The following TBC1D8 variants were observed in gnomAD, a reference collection of about 807,000 sequenced individuals.
TBC1D8 encodes the protein BUB2-like protein 1.
TBC1D8 carries 65 observed loss-of-function variants against 118.8 expected under a neutral mutation model. That is an observed-to-expected ratio of 0.55 (90% CI 0.45 to 0.67). The LOEUF (loss-of-function observed/expected upper bound fraction) is 0.67. TBC1D8 is among the 30% of genes least tolerant of loss of function. The pLI is 0.00. For missense variants in TBC1D8, 1,376 were observed against 1,471.2 expected (o/e 0.94, Z 1.06); for synonymous variants, 566 against 595.8 (o/e 0.95, Z 0.73).
Position 101,134,193 on chromosome 2 carries a change from TCTCTCA to T in TBC1D8, c.127+16928_127+16933del, listed in dbSNP as rs1214157649. On this transcript the variant is annotated intron_variant, in intron 1 of 19. Transcript: ENST00000409318. ...CTTTCTCTCTCTCTCTCTCTCTCTC[TCTCTCA>T]CACACACACACACACACACACACAC... Among the ~76,000 whole-genome samples the T allele has an allele frequency of 2.4e-3, 299 of 122,344 alleles. 2 individuals carry two copies. Among genetic ancestry groups the T allele is most frequent in the East Asian group, 0.014 (60 of 4,424 alleles). The allele number at this position is 122,344 out of a possible 152,430, so 80.3% of individuals were successfully genotyped here.
chr2:101,137,783 A>T (rs1678921711), intron 1 of TBC1D8, among the ~76,000 whole-genome samples: 1 of 152,184 alleles, frequency 6.6e-6, no homozygotes, highest in Non-Finnish European at 1.5e-5. Context: ...TGAAATGCCA[A>T]ACCAGTAACA....
intron 1 of TBC1D8, among the ~76,000 whole-genome samples, chr2:101,144,278 C>A (rs1232195709): frequency 2.0e-5 from 3 of 152,208 alleles, no homozygotes; most frequent in Non-Finnish European, 4.4e-5. Context: ...AACAGACAAA[C>A]CCTCAAAGAG....
chr2:101,086,388 A>G, intron 2 of TBC1D8, among the ~76,000 whole-genome samples: 1 of 152,206 alleles, frequency 6.6e-6, no homozygotes, highest in East Asian at 1.9e-4. Flanking sequence ...CATACACAGA[A>G]TGATGCAAGA....
At chr2:101,026,687 G>T (rs1234535355) in intron 15 of TBC1D8, among the ~76,000 whole-genome samples, 2 of 152,112 alleles carry the variant, frequency 1.3e-5, no homozygotes, top group Non-Finnish European at 2.9e-5. Context: ...TCTCTGCCAG[G>T]GTAGCAGGAG....
Position 101,127,167 on chromosome 2 carries a change from T to A in TBC1D8, c.127+23960A>T, listed in dbSNP as rs1678391200. ...CTGGCCAACACAGTGAAACCCCATC[T>A]CTATTAAAAATTCAAAAAATTAGCC... On this transcript the variant is annotated intron_variant, in intron 1 of 19. Coordinates refer to ENST00000409318, the MANE Select transcript of TBC1D8 (RefSeq NM_001330348.2). Among the ~76,000 whole-genome samples the A allele has an allele frequency of 2.0e-5, 3 of 152,100 alleles. No homozygotes were observed. The South Asian group carries it at 6.2e-4, about 32-fold the overall frequency.
At position 101,022,431 on chromosome 2, in the gene TBC1D8, T is replaced by G. The variant is rs764066990; in HGVS notation, c.2611A>C (p.Ile871Leu). Residue 871 changes from isoleucine to leucine, a missense_variant, in exon 16 of 20, where the codon ATA becomes CTA. By Grantham distance (5) the Ile-to-Leu change is conservative (BLOSUM62 2). Transcript: ENST00000409318. The stretch of plus-strand genomic sequence containing the variant: ...AGGTGTGCAAACTGCCGGGCATCTA[T>G]GCGGTACTGCTCAGCATAGGGCCGG... ...PSRPYAEQYR[I>L]DARQFAHLFQ... 1 of 1,613,314 alleles carries G rather than the reference T, an allele frequency of 6.2e-7. No individual in the cohort carries two copies. The highest frequency in any genetic ancestry group is 1.7e-5 in the Admixed American group (1 of 59,810).
chr2:101,091,248 G>A (rs1676015733), intron 1 of TBC1D8, among the ~76,000 whole-genome samples: 1 of 152,140 alleles, frequency 6.6e-6, no homozygotes, highest in African/African-American at 2.4e-5. Flanking sequence ...TCGCACCATT[G>A]CACTCCAGCC....
At chr2:101,109,410 T>C (rs1677437926) in intron 1 of TBC1D8, among the ~76,000 whole-genome samples, 1 of 151,952 alleles carries the variant, frequency 6.6e-6, no homozygotes, top group Admixed American at 6.6e-5. Flanking sequence ...TATCAGAAAA[T>C]TGGATAACAT....
chr2:101,066,080 G>A (rs1421731154), intron 2 of TBC1D8, among the ~76,000 whole-genome samples: 2 of 152,124 alleles, frequency 1.3e-5, no homozygotes, highest in South Asian at 2.1e-4. Context: ...AGGAGTTTGA[G>A]ACCAGCCTGG....
intron 2 of TBC1D8, among the ~76,000 whole-genome samples, chr2:101,066,533 T>C (rs912371802): frequency 5.3e-5 from 8 of 152,178 alleles, no homozygotes; most frequent in Admixed American, 3.3e-4. Flanking sequence ...ACTAATTAAA[T>C]AGTGTTTTGA....
chr2:101,036,194 A>G, intron 8 of TBC1D8, 26 bp from the exon 9 acceptor site: 1 of 1,607,352 alleles, frequency 6.2e-7, no homozygotes, highest in Non-Finnish European at 8.5e-7. Flanking sequence ...TTCTTAATGT[A>G]CAAAGAAGTC....
At chr2:101,078,604 TAACTC>T (rs926062306) in intron 2 of TBC1D8, among the ~76,000 whole-genome samples, 1 of 151,164 alleles carries the variant, frequency 6.6e-6, no homozygotes, top group Non-Finnish European at 1.5e-5. Context: ...GAGGAAGAAA[TAACTC>T]AAGAAGGGCA....
chr2:101,067,792 C>A (rs1376015189), intron 2 of TBC1D8, among the ~76,000 whole-genome samples: 1 of 152,220 alleles, frequency 6.6e-6, no homozygotes, highest in African/African-American at 2.4e-5. Flanking sequence ...TTGACTCTCT[C>A]TTTCACGAAG....
At chr2:101,103,155 C>T (rs183266913) in intron 1 of TBC1D8, among the ~76,000 whole-genome samples, 215 of 151,762 alleles carry the variant, frequency 1.4e-3, no homozygotes, top group African/African-American at 4.6e-3. Flanking sequence ...TGAATGATAC[C>T]ATGATCAAAT....
rs1680815499 is a variant in TBC1D8 at position 101,033,676 on chromosome 2, G to A, written c.1686C>T (p.Thr562=). Residue 562 remains threonine, a synonymous_variant, in exon 10 of 20, where the codon ACC becomes ACT. Transcript: ENST00000409318. The stretch of plus-strand genomic sequence containing the variant: ...GGTGCAGGTCTCGTTCTATCTCCTC[G>A]GTTACCAGGCAGCATTTCCCCAGGG... The part of the protein sequence containing the change: ...EESLGKCCLV[T]EEIERDLHRS... 2.0e-5 allele frequency: 33 copies of A among 1,613,734 alleles called. No homozygotes were observed. Among genetic ancestry groups the A allele is most frequent in the Middle Eastern group, 3.3e-4 (2 of 6,082 alleles).
chr2:101,068,751 C>T (rs560688093), intron 2 of TBC1D8: 8 of 242,000 alleles, frequency 3.3e-5, no homozygotes, highest in Non-Finnish European at 6.3e-5. Flanking sequence ...GTAATCCCAG[C>T]ACTTTGGGAG....
chr2:101,060,614 C>T (rs1682701375), intron 2 of TBC1D8, among the ~76,000 whole-genome samples: 1 of 152,146 alleles, frequency 6.6e-6, no homozygotes, highest in African/African-American at 2.4e-5. Flanking sequence ...CTATTCTCAT[C>T]ATCTCTACTG....
At chr2:101,143,562 C>T (rs1370316305) in intron 1 of TBC1D8, among the ~76,000 whole-genome samples, 2 of 152,034 alleles carry the variant, frequency 1.3e-5, no homozygotes, top group African/African-American at 4.8e-5. Context: ...AGTTCTTCCC[C>T]CGCCGCCCCT....
At chr2:101,110,527 T>G (rs1236463821) in intron 1 of TBC1D8, among the ~76,000 whole-genome samples, 1 of 152,134 alleles carries the variant, frequency 6.6e-6, no homozygotes, top group Non-Finnish European at 1.5e-5. Flanking sequence ...GAAGGACTTC[T>G]CACTATACAC....
Sources: gnomAD v4.1 joint callset for allele counts (sites outside exome capture counted in the v4.1 genomes callset) on GRCh38, gnomAD v4.1.1 for gene constraint, MANE v1.5 for transcripts, NCBI Gene and HGNC (gene_info 2026-07-23, HGNC 2026-07-21) for gene names.